Variants in KIF1B observed in about 807,000 individuals in gnomAD.
The protein encoded by KIF1B is kinesin-like protein KIF1B.
KIF1B carries 76 observed loss-of-function variants against 241.9 expected under a neutral mutation model. The observed-to-expected ratio is 0.31, with a 90% CI of 0.26 to 0.38. KIF1B has a LOEUF of 0.38. Ranked by LOEUF, KIF1B falls within the 10% of genes least tolerant of loss-of-function variation. KIF1B has a pLI of 1.00. For synonymous variants in KIF1B, 750 were observed against 796.7 expected, an observed-to-expected ratio of 0.94 and a Z score of 0.99; for missense variants, 1,622 against 2,271.4, an observed-to-expected ratio of 0.71 and a Z score of 5.81.
chr1:10,333,624 A>G (rs959642741), intron 27 of KIF1B, among the ~76,000 whole-genome samples: 47 of 151,830 alleles, frequency 3.1e-4, no homozygotes, highest in African/African-American at 1.1e-3. Context: ...CCTGGGAGGC[A>G]GAGCTTGCAG....
intron 19 of KIF1B, 59 bp downstream of exon 19, chr1:10,295,825 C>A: frequency 7.2e-7 from 1 of 1,383,008 alleles, no homozygotes; most frequent in Non-Finnish European, 1.0e-6. Context: ...TATGAGAAAT[C>A]CTTAAGACTT....
In KIF1B at chr1:10,334,947, T is replaced by G. The variant is rs1569849573; in HGVS notation, c.3043+309T>G. On this transcript the variant is annotated intron_variant, in intron 28 of 48. Transcript: ENST00000676179. The stretch of plus-strand genomic sequence containing the variant: ...ATAAAAGTCATTGGTGTGTTGTTTT[T>G]TTTTTTTTTGAGACAGGGTCTCACT... 2.0e-5 allele frequency among the ~76,000 whole-genome samples: 3 copies of G among 151,998 alleles called. No homozygotes were observed. The South Asian group carries it at 6.2e-4, about 32-fold the overall frequency.
At chr1:10,268,082 G>T (rs1648569894) in intron 6 of KIF1B, 70 bp from the exon 7 acceptor site, 1 of 935,296 alleles carries the variant, frequency 1.1e-6, no homozygotes, top group Non-Finnish European at 1.7e-6. Flanking sequence ...TTATAATGTG[G>T]AGCCTGCTGT....
Position 10,324,011 on chromosome 1 carries a change from T to C in KIF1B, c.2486T>C (p.Val829Ala). The change falls in exon 25 of 49, where the codon GTC becomes GCC. Residue 829 changes from valine (V) to alanine (A), a missense_variant. Physicochemically the swap from Val to Ala is moderately conservative, Grantham distance 64. Coordinates refer to ENST00000676179, the MANE Select transcript of KIF1B (RefSeq NM_001365951.3). ...CCTCGCACAGTGGTAGCAGTAGAAG[T>C]CCAGGATTTGAAGAATGGAGCAACA... Reference protein sequence around the residue: ...PFPRTVVAVEVQDLKNGATHY... With the variant: ...PFPRTVVAVEAQDLKNGATHY... 3 of 1,614,098 alleles carry C rather than the reference T, an allele frequency of 1.9e-6. No homozygotes were observed. The highest frequency in any genetic ancestry group is 2.7e-5 in the African/African-American group (2 of 75,012).
At chr1:10,227,898 C>T (rs115871118) in intron 1 of KIF1B, 2,857 of 154,448 alleles carry the variant, frequency 0.018, 41 homozygotes, top group Non-Finnish European at 0.028. Flanking sequence ...AAAGAACTTA[C>T]CCTCAGCCGG....
intron 2 of KIF1B, among the ~76,000 whole-genome samples, chr1:10,251,361 A>G (rs1647435423): frequency 6.6e-6 from 1 of 151,174 alleles, no homozygotes. Flanking sequence ...AGGAAAAGAG[A>G]ACAAAGCGAT....
At chr1:10,231,174 C>T (rs1186685131) in intron 1 of KIF1B, among the ~76,000 whole-genome samples, 6 of 152,116 alleles carry the variant, frequency 3.9e-5, no homozygotes, top group Non-Finnish European at 5.9e-5. Flanking sequence ...CGTGCCATTG[C>T]ACTCCAGCCT....
rs866076076 is a variant in KIF1B, at chr1:10,339,968, A to T, written c.3513+109A>T. ...TACAAGTCACTGGCTGTGCAGGGGG[A>T]GAGTAGACAATAGAGGGCGTGGCTA... On this transcript the variant is annotated intron_variant, in intron 32 of 48. Coordinates refer to ENST00000676179, the MANE Select transcript of KIF1B (RefSeq NM_001365951.3). 4.7e-5 allele frequency: 42 copies of T among 898,652 alleles called. No homozygotes were observed. The African/African-American group carries it at 5.9e-4, about 13-fold the overall frequency. 55.7% of individuals were successfully genotyped at this position (898,652 alleles called of 1,614,324 possible). A position where few individuals can be genotyped will look rare whatever the true frequency, so the allele number is the denominator to read the frequency against.
intron 10 of KIF1B, among the ~76,000 whole-genome samples, chr1:10,273,407 A>G (rs949497124): frequency 3.3e-5 from 5 of 152,138 alleles, no homozygotes; most frequent in African/African-American, 1.2e-4. Flanking sequence ...TACAAAAATT[A>G]GCTGGGTGTG....
In KIF1B at chr1:10,363,114, A is replaced by G. The variant is rs556664469; in HGVS notation, c.4305-169A>G. ...GATGAAAGCGGACTCCTCTAGGAAA[A>G]GGTATGCTACTTAGGTTCAAAATAA... On this transcript the variant is annotated intron_variant, in intron 40 of 48. Transcript: ENST00000676179. 3.3e-5 allele frequency among the ~76,000 whole-genome samples: 5 copies of G among 152,294 alleles called. 1 individual carries two copies. In the South Asian group the frequency reaches 1.0e-3, roughly 32 times the overall value.
At chr1:10,260,172 G>A (rs967201757) in intron 4 of KIF1B, among the ~76,000 whole-genome samples, 1 of 152,108 alleles carries the variant, frequency 6.6e-6, no homozygotes, top group African/African-American at 2.4e-5. Flanking sequence ...TTGCTCCAAG[G>A]CTATAAACTT....
intron 26 of KIF1B, among the ~76,000 whole-genome samples, chr1:10,325,160 T>C (rs1651681188): frequency 6.6e-6 from 1 of 152,236 alleles, no homozygotes; most frequent in Admixed American, 6.5e-5. Flanking sequence ...TGTTCTGTAA[T>C]TGATTAAGAT....
chr1:10,304,051 C>T (rs377168351), intron 22 of KIF1B: 57 of 1,611,046 alleles, frequency 3.5e-5, no homozygotes, highest in Non-Finnish European at 4.5e-5. Context: ...TCCTGAGAAC[C>T]GGAAGCCCCG....
chr1:10,240,145 G>A (rs958385131), intron 2 of KIF1B, among the ~76,000 whole-genome samples: 8 of 151,836 alleles, frequency 5.3e-5, no homozygotes, highest in Admixed American at 4.6e-4. Context: ...CTCGTGATCC[G>A]CCCGCCTCAG....
chr1:10,262,094 C>T (rs1648181586), intron 5 of KIF1B, 124 bp downstream of exon 5: 10 of 764,954 alleles, frequency 1.3e-5, no homozygotes, highest in Admixed American at 1.0e-4. Flanking sequence ...TTTGTCCTTT[C>T]AGGCTATTTC....
intron 10 of KIF1B, among the ~76,000 whole-genome samples, chr1:10,273,427 G>A (rs911325561): frequency 6.6e-6 from 1 of 152,006 alleles, no homozygotes; most frequent in Non-Finnish European, 1.5e-5. Context: ...GGTAGCGCGT[G>A]CCCATAGTGT....
intron 1 of KIF1B, among the ~76,000 whole-genome samples, chr1:10,221,821 T>C (rs775387551): frequency 6.6e-6 from 1 of 152,184 alleles, no homozygotes; most frequent in Non-Finnish European, 1.5e-5. Context: ...AATATTGAAT[T>C]AATTAATTAA....
At chr1:10,223,547 T>C (rs968256447) in intron 1 of KIF1B, among the ~76,000 whole-genome samples, 1 of 72,408 alleles carries the variant, frequency 1.4e-5, no homozygotes, top group South Asian at 3.9e-4. Context: ...TTTTGTTTTG[T>C]TTTTTTTTTT....
At position 10,380,439 on chromosome 1, in the gene KIF1B, C is replaced by T; in HGVS notation, c.*3852C>T. 1 of 187,264 alleles carries T rather than the reference C, an allele frequency of 5.3e-6. No homozygotes were observed. Among genetic ancestry groups the T allele is most frequent in the Non-Finnish European group, 1.1e-5 (1 of 88,510 alleles). 11.6% of individuals were successfully genotyped at this position (187,264 alleles called of 1,614,324 possible). A position where few individuals can be genotyped will look rare whatever the true frequency, so the allele number is the denominator to read the frequency against. ...TGAAAGATTCAACCGGGTGTGGTGG[C>T]TCACGCCTGTAATCCCAGCACATTG... On this transcript the variant is annotated 3_prime_UTR_variant, in exon 49 of 49. Transcript: ENST00000676179.
Sources: allele counts gnomAD v4.1 joint callset (sites outside exome capture counted in the v4.1 genomes callset), GRCh38; gene constraint gnomAD v4.1.1; transcripts MANE v1.5; gene names NCBI Gene and HGNC (gene_info 2026-07-23, HGNC 2026-07-21).